The following RASSF2 variants were observed in gnomAD, a reference collection of about 807,000 sequenced individuals.
RASSF2 encodes the protein Ras association domain family member 2.
Under a neutral mutation model 46.3 loss-of-function variants are expected in RASSF2, and 34 were observed. That is an observed-to-expected ratio of 0.73 (90% CI 0.56 to 0.98). RASSF2 has a LOEUF of 0.98. RASSF2 is among the 50% of genes least tolerant of loss of function. The pLI is 0.00. For synonymous variants in RASSF2, 158 were observed against 162.5 expected (o/e 0.97, Z 0.21); for missense variants, 364 against 431.2 (o/e 0.84, Z 1.38).
intron 2 of RASSF2, among the ~76,000 whole-genome samples, chr20:4,802,226 C>T (rs1005808392): frequency 4.6e-5 from 7 of 152,162 alleles, no homozygotes; most frequent in South Asian, 2.1e-4. Flanking sequence ...TGTGCCCCAC[C>T]GCCCCTGGCC....
chr20:4,813,420 G>A (rs1928009925), intron 2 of RASSF2, among the ~76,000 whole-genome samples: 1 of 152,224 alleles, frequency 6.6e-6, no homozygotes, highest in South Asian at 2.1e-4. Context: ...TGTGGAAGAT[G>A]GGAGGAAGCG....
intron 1 of RASSF2, among the ~76,000 whole-genome samples, chr20:4,823,210 T>TG (rs1436074992): frequency 6.6e-6 from 1 of 151,660 alleles, no homozygotes; most frequent in Non-Finnish European, 1.5e-5. Context: ...TTTGGCGAGG[T>TG]GGGGGGACGC....
intron 7 of RASSF2, 75 bp from the exon 8 acceptor site, chr20:4,789,772 G>C: frequency 8.0e-7 from 1 of 1,256,116 alleles, no homozygotes; most frequent in South Asian, 1.2e-5. Context: ...TGCGGTACAG[G>C]GCACAGTGAC....
Position 4,795,134 on chromosome 20 carries a change from G to C in RASSF2, c.287+681C>G, listed in dbSNP as rs934758540. The C allele has an allele frequency of 6.6e-6, 1 of 152,286 alleles. No homozygotes were observed. Among genetic ancestry groups the C allele is most frequent in the Non-Finnish European group, 1.5e-5 (1 of 68,074 alleles). 9.4% of individuals were successfully genotyped at this position (152,286 alleles called of 1,614,324 possible). On this transcript the variant is annotated intron_variant, in intron 5 of 11. Transcript: ENST00000379400. This position sits in a 1 kb window ranked among gnomAD's most constrained non-coding sequence, Gnocchi z 4.0. ...AAGTCCCAGAAAGACAATAAAGAGG[G>C]CATGCCTTGCTAGAGGCATTTGGCG...
chr20:4,784,036 T>C lies in RASSF2; in HGVS notation c.*237A>G, dbSNP rs2422979. Reference sequence around the variant, plus strand: ...CACATGTACACACACACATTTTGGGTCCTCCTTATAACTAAAATCAAAAGT... The same window carrying C: ...CACATGTACACACACACATTTTGGGCCCTCCTTATAACTAAAATCAAAAGT... On this transcript the variant is annotated 3_prime_UTR_variant, in exon 12 of 12. Coordinates refer to ENST00000379400, the MANE Select transcript of RASSF2 (RefSeq NM_014737.3). 314,022 of 554,152 alleles carry C rather than the reference T, an allele frequency of 0.57. 89,663 individuals carry two copies. Among genetic ancestry groups the C allele is most frequent in the Non-Finnish European group, 0.57 (176,140 of 307,364 alleles). The allele number at this position is 554,152 out of a possible 1,614,324, so 34.3% of individuals were successfully genotyped here. A position where few individuals can be genotyped will look rare whatever the true frequency, so the allele number is the denominator to read the frequency against.
At position 4,795,588 on chromosome 20, in the gene RASSF2, C is replaced by G. The variant is rs1926268987; in HGVS notation, c.287+227G>C. 2.2e-6 allele frequency: 1 copy of G among 447,560 alleles called. No homozygotes were observed. The highest frequency in any genetic ancestry group is 4.1e-5 in the Admixed American group (1 of 24,132). The allele number at this position is 447,560 out of a possible 1,614,324, so 27.7% of individuals were successfully genotyped here. ...CTCCCCTCGTATGACTCAGCAGCTC[C>G]CCTCCTGTGACCTCATCAGTGATTG... On this transcript the variant is annotated intron_variant, in intron 5 of 11. Coordinates refer to ENST00000379400, the MANE Select transcript of RASSF2 (RefSeq NM_014737.3). The surrounding 1 kb of genome is among the most constrained non-coding windows in gnomAD (Gnocchi z 4.0).
intron 4 of RASSF2, among the ~76,000 whole-genome samples, chr20:4,797,640 C>A (rs148669621): frequency 3.0e-4 from 45 of 152,142 alleles, no homozygotes; most frequent in African/African-American, 1.0e-3. Context: ...GGACTTGGGC[C>A]CAAATGTTTA....
intron 3 of RASSF2, among the ~76,000 whole-genome samples, chr20:4,799,421 T>G (rs1396059820): frequency 6.6e-6 from 1 of 152,234 alleles, no homozygotes; most frequent in Non-Finnish European, 1.5e-5. Context: ...GGGGCCACTG[T>G]GCGCTTTTGT....
chr20:4,790,983 G>A lies in RASSF2; in HGVS notation c.377-372C>T, dbSNP rs969486712. Among the ~76,000 whole-genome samples the A allele has an allele frequency of 6.6e-6, 1 of 152,146 alleles. No homozygotes were observed. The highest frequency in any genetic ancestry group is 1.9e-4 in the East Asian group (1 of 5,202). ...CATAAAGCACTTAGAATAGTGCCTG[G>A]CACAGGATAAGCATGATATAAGAGC... On this transcript the variant is annotated intron_variant, in intron 6 of 11. Transcript: ENST00000379400. This position sits in a 1 kb window ranked among gnomAD's most constrained non-coding sequence, Gnocchi z 4.3.
chr20:4,813,782 CGTGTGTGT>C (rs11468773), intron 2 of RASSF2, among the ~76,000 whole-genome samples: 2 of 150,176 alleles, frequency 1.3e-5, no homozygotes, highest in Admixed American at 1.3e-4. Flanking sequence ...CAGTGTGTGG[CGTGTGTGT>C]GTGTGTGTGT....
intron 7 of RASSF2, 49 bp from the exon 8 acceptor site, chr20:4,789,746 A>G (rs376977315): frequency 1.6e-5 from 24 of 1,515,274 alleles, no homozygotes; most frequent in East Asian, 2.3e-5. Flanking sequence ...ACAAGGACCC[A>G]GTGCTAAAAT....
At chr20:4,800,007 G>A (rs1926724805) in intron 3 of RASSF2, among the ~76,000 whole-genome samples, 1 of 152,164 alleles carries the variant, frequency 6.6e-6, no homozygotes, top group South Asian at 2.1e-4. Flanking sequence ...AGCTACCTGG[G>A]AGGTTGAGGC....
chr20:4,801,183 AGATCCACAGCTAACACT>A, intron 2 of RASSF2, 121 bp from the exon 3 acceptor site: 2 of 696,596 alleles, frequency 2.9e-6, no homozygotes, highest in Non-Finnish European at 5.0e-6. Context: ...CTCCCCACCC[AGATCCACAGCTAACACT>A]GACCCAAGGC....
At chr20:4,796,310 C>G (rs1285131602) in intron 4 of RASSF2, among the ~76,000 whole-genome samples, 4 of 152,228 alleles carry the variant, frequency 2.6e-5, no homozygotes, top group African/African-American at 7.2e-5. Flanking sequence ...GCCTTGTTAA[C>G]AGAAGCAAGA....
chr20:4,803,152 C>G (rs1255002045), intron 2 of RASSF2, among the ~76,000 whole-genome samples: 6 of 152,022 alleles, frequency 3.9e-5, no homozygotes, highest in African/African-American at 1.4e-4. Context: ...CTCAAGCAAC[C>G]TGCTTGCCTC....
intron 2 of RASSF2, among the ~76,000 whole-genome samples, chr20:4,803,063 T>C (rs1018176179): frequency 6.6e-5 from 10 of 151,870 alleles, no homozygotes; most frequent in African/African-American, 2.2e-4. Flanking sequence ...GCATATGCCA[T>C]GATGCCCAGC....
chr20:4,807,145 G>C (rs1352722426), intron 2 of RASSF2, among the ~76,000 whole-genome samples: 3 of 152,192 alleles, frequency 2.0e-5, no homozygotes, highest in African/African-American at 7.2e-5. Flanking sequence ...CAGGGGAAAG[G>C]TAGCTTAATT....
chr20:4,784,136 G>A lies in RASSF2; in HGVS notation c.*137C>T, dbSNP rs1925072222. 4 of 826,442 alleles carry A rather than the reference G, an allele frequency of 4.8e-6. No homozygotes were observed. The highest frequency in any genetic ancestry group is 1.5e-5 in the South Asian group (1 of 64,554). 51.2% of individuals were successfully genotyped at this position (826,442 alleles called of 1,614,324 possible). ...CTGCTGACTTCTACATCCAGCTCCAGGTAGCAAATGATGGCTTGGCCGGAG... is the reference window on the plus strand; with the variant it reads ...CTGCTGACTTCTACATCCAGCTCCAAGTAGCAAATGATGGCTTGGCCGGAG... On this transcript the variant is annotated 3_prime_UTR_variant, in exon 12 of 12. Transcript: ENST00000379400.
chr20:4,819,303 G>A (rs1292411203), intron 2 of RASSF2, among the ~76,000 whole-genome samples: 2 of 152,140 alleles, frequency 1.3e-5, no homozygotes, highest in Non-Finnish European at 2.9e-5. Flanking sequence ...ATAAGTTAAA[G>A]CCTGTCTTAG....
Sources: allele counts gnomAD v4.1 joint callset (sites outside exome capture counted in the v4.1 genomes callset), GRCh38; gene constraint gnomAD v4.1.1; non-coding constraint Gnocchi (gnomAD v3.1); transcripts MANE v1.5; gene names NCBI Gene and HGNC (gene_info 2026-07-23, HGNC 2026-07-21).